EIF4H: variants seen among roughly 807,000 people sequenced by gnomAD.
EIF4H encodes eukaryotic translation initiation factor 4H, also known as Williams-Beuren syndrome chromosome region 1.
Under a neutral mutation model 30.6 loss-of-function variants are expected in EIF4H, and 8 were observed. That is an observed-to-expected ratio of 0.26 (90% CI 0.15 to 0.47). The LOEUF is 0.47. EIF4H is among the 20% of genes least tolerant of loss of function. The probability of loss-of-function intolerance (pLI) is 0.99; values close to 1 mark genes in which losing one functional copy is unlikely to be tolerated. For synonymous variants in EIF4H, 106 were observed against 122.7 expected (o/e 0.86, Z 0.90); for missense variants, 188 against 339.5 (o/e 0.55, Z 3.51).
intron 1 of EIF4H, among the ~76,000 whole-genome samples, chr7:74,175,649 A>G (rs1437633710): frequency 1.3e-5 from 2 of 152,316 alleles, no homozygotes; most frequent in East Asian, 3.9e-4. Context: ...GTTGGATGAC[A>G]TGAAATTATC....
At chr7:74,188,292 T>A (rs1801133110) in intron 2 of EIF4H, among the ~76,000 whole-genome samples, 1 of 152,172 alleles carries the variant, frequency 6.6e-6, no homozygotes. Context: ...ATTTCAGATA[T>A]GGTGTCTATA....
At chr7:74,180,800 G>A (rs1225253828) in intron 1 of EIF4H, among the ~76,000 whole-genome samples, 1 of 152,244 alleles carries the variant, frequency 6.6e-6, no homozygotes, top group Non-Finnish European at 1.5e-5. Flanking sequence ...TGGGACTGCT[G>A]AGTGGAAGAA....
chr7:74,181,586 C>A (rs1332162591), intron 1 of EIF4H, among the ~76,000 whole-genome samples: 19 of 150,698 alleles, frequency 1.3e-4, no homozygotes, highest in Admixed American at 1.3e-3. Flanking sequence ...CATGTGCCAC[C>A]ACACCTGGCA....
chr7:74,181,617 G>A (rs1185986274), intron 1 of EIF4H, among the ~76,000 whole-genome samples: 2 of 151,698 alleles, frequency 1.3e-5, no homozygotes, highest in African/African-American at 4.8e-5. Flanking sequence ...TTTTAGCAGA[G>A]ATAGAGCAGA....
intron 1 of EIF4H, among the ~76,000 whole-genome samples, chr7:74,179,205 G>A (rs1800903799): frequency 6.6e-6 from 1 of 152,142 alleles, no homozygotes; most frequent in African/African-American, 2.4e-5. Flanking sequence ...GGAAATGGGA[G>A]GAGTAATCAA....
chr7:74,181,163 C>T (rs1448185895), intron 1 of EIF4H, among the ~76,000 whole-genome samples: 1 of 152,202 alleles, frequency 6.6e-6, no homozygotes, highest in Non-Finnish European at 1.5e-5. Flanking sequence ...CTAAACAACT[C>T]CATTCCTTTC....
intron 1 of EIF4H, among the ~76,000 whole-genome samples, chr7:74,180,787 C>T (rs1554708298): frequency 4.6e-5 from 7 of 152,236 alleles, no homozygotes. Context: ...GCTCTTAAGT[C>T]TCTGGGACTG....
chr7:74,188,437 T>G (rs890297158), intron 2 of EIF4H, among the ~76,000 whole-genome samples: 4 of 152,166 alleles, frequency 2.6e-5, no homozygotes, highest in African/African-American at 9.7e-5. Flanking sequence ...CCAGGATGTT[T>G]GGCCCGCATA....
In EIF4H at chr7:74,195,472, T is replaced by TTA. The variant is rs1298774617; in HGVS notation, c.*165_*166dup. 1 of 768,792 alleles carries TTA rather than the reference T, an allele frequency of 1.3e-6. No homozygotes were observed. Among genetic ancestry groups the TTA allele is most frequent in the East Asian group, 2.8e-5 (1 of 35,756 alleles). The allele number at this position is 768,792 out of a possible 1,614,324, so 47.6% of individuals were successfully genotyped here. The stretch of plus-strand genomic sequence containing the variant: ...CATGTCAGCTGTTAACAAGTGGTTT[T>TTA]TAGTACATTCTGGGCTTTGCTGTAT... On this transcript the variant is annotated 3_prime_UTR_variant, in exon 7 of 7. Transcript: ENST00000265753.
rs1554709248 is a variant in EIF4H at position 74,186,813 on chromosome 7, T to A, written c.60-798T>A. On this transcript the variant is annotated intron_variant, in intron 1 of 6. Coordinates refer to ENST00000265753, the MANE Select transcript of EIF4H (RefSeq NM_022170.2). ...ATTTTTTTTTTTTTTTTTTTTTTTT[T>A]TTTTTTTTTTTTTTTTTTTTTTTTT... 3.7e-3 allele frequency among the ~76,000 whole-genome samples: 248 copies of A among 66,544 alleles called. 38 individuals carry two copies. Among genetic ancestry groups the A allele is most frequent in the East Asian group, 4.2e-3 (9 of 2,118 alleles). 43.7% of individuals were successfully genotyped at this position (66,544 alleles called of 152,430 possible).
intron 1 of EIF4H, among the ~76,000 whole-genome samples, chr7:74,178,844 C>G (rs547759700): frequency 2.7e-4 from 41 of 152,280 alleles, no homozygotes; most frequent in African/African-American, 9.1e-4. Context: ...GAATGTTCTT[C>G]GAAGTTTCCC....
intron 5 of EIF4H, 138 bp from the exon 6 acceptor site, chr7:74,194,603 T>A: frequency 7.9e-7 from 1 of 1,267,430 alleles, no homozygotes; most frequent in Non-Finnish European, 1.1e-6. Context: ...TTTAACACAC[T>A]TTATTTTGGA....
At chr7:74,192,917 A>G (rs1336948203) in intron 5 of EIF4H, among the ~76,000 whole-genome samples, 1 of 152,076 alleles carries the variant, frequency 6.6e-6, no homozygotes, top group Non-Finnish European at 1.5e-5. Flanking sequence ...GCCTCAGGTG[A>G]TCTGCCCACC....
chr7:74,193,757 C>T (rs548224519), intron 5 of EIF4H, among the ~76,000 whole-genome samples: 1 of 152,172 alleles, frequency 6.6e-6, no homozygotes, highest in East Asian at 1.9e-4. Flanking sequence ...GAACCCCAGG[C>T]GTGCGCCACC....
At chr7:74,177,954 T>C (rs1800877362) in intron 1 of EIF4H, among the ~76,000 whole-genome samples, 1 of 152,174 alleles carries the variant, frequency 6.6e-6, no homozygotes, top group African/African-American at 2.4e-5. Context: ...CATGTATTTA[T>C]TTATGAAATA....
chr7:74,182,511 A>G (rs1800985650), intron 1 of EIF4H, among the ~76,000 whole-genome samples: 1 of 152,208 alleles, frequency 6.6e-6, no homozygotes. Flanking sequence ...TTTGGTTTAC[A>G]CTACTTTACC....
chr7:74,189,911 T>G lies in EIF4H; in HGVS notation c.402T>G (p.Asp134Glu). 1 of 1,614,154 alleles carries G rather than the reference T, an allele frequency of 6.2e-7. No homozygotes were observed. The highest frequency in any genetic ancestry group is 8.5e-7 in the Non-Finnish European group (1 of 1,180,032). Residue 134 changes from aspartate (D) to glutamate (E), a missense_variant, in exon 4 of 7, where the codon GAT (aspartate) becomes GAG (glutamate). By Grantham distance (45) the Asp-to-Glu change is conservative. Transcript: ENST00000265753. ...GGFGFRKGGP[D>E]DRGMGSSRES... ...TTGGATTCAGAAAAGGTGGACCAGA[T>G]GACAGAGGTGATTGGTTCTTCTAAA...
intron 1 of EIF4H, among the ~76,000 whole-genome samples, chr7:74,182,422 C>T (rs1385230649): frequency 1.3e-5 from 2 of 152,192 alleles, no homozygotes; most frequent in Admixed American, 1.3e-4. Flanking sequence ...AACTCCTGAG[C>T]TCAAGTGATC....
chr7:74,194,839 C>G lies in EIF4H; in HGVS notation c.568C>G (p.Leu190Val), dbSNP rs1801305226. 8.1e-6 allele frequency: 13 copies of G among 1,602,918 alleles called. No homozygotes were observed. The highest frequency in any genetic ancestry group is 8.5e-7 in the Non-Finnish European group (1 of 1,170,762). The change falls in exon 6 of 7, where the codon CTC becomes GTC. Residue 190 changes from leucine (L) to valine (V), a missense_variant. Physicochemically the swap from Leu to Val is conservative, Grantham distance 32 (BLOSUM62 1). This residue lies in a region of EIF4H where 76 missense variants were observed against 85.8 expected (regional missense o/e 0.89). Transcript: ENST00000265753. ...CAGCCGCTTCAGAGATGGCCCTCCC[C>G]TCCGTGGATCCAACATGGATTTCAG... Reference protein sequence around the residue: ...MGSRFRDGPPLRGSNMDFREP... With the variant: ...MGSRFRDGPPVRGSNMDFREP...
Sources: allele counts gnomAD v4.1 joint callset (sites outside exome capture counted in the v4.1 genomes callset), GRCh38; gene constraint gnomAD v4.1.1; regional missense constraint gnomAD v4.1.1; transcripts MANE v1.5; gene names NCBI Gene and HGNC (gene_info 2026-07-23, HGNC 2026-07-21).